VPS13B: variants seen among roughly 807,000 people sequenced by gnomAD.
The protein encoded by VPS13B is intermembrane lipid transfer protein VPS13B.
Under a neutral mutation model 426.4 loss-of-function variants are expected in VPS13B, and 285 were observed. The ratio of observed to expected loss-of-function variants is 0.67; its 90% CI spans 0.61 to 0.74. The LOEUF (loss-of-function observed/expected upper bound fraction) is 0.74. VPS13B is among the 30% of genes least tolerant of loss of function. The pLI is 0.00. For synonymous variants in VPS13B, 1,676 were observed against 1,676.4 expected (o/e 1.00, Z 0.01); for missense variants, 4,537 against 4,782.6 (o/e 0.95, Z 1.51).
chr8:99,234,685 A>C (rs546977828), intron 17 of VPS13B, among the ~76,000 whole-genome samples: 1 of 152,240 alleles, frequency 6.6e-6, no homozygotes, highest in Non-Finnish European at 1.5e-5. Context: ...ATTTAAATAA[A>C]AATAAGACAT....
chr8:99,556,015 A>C (rs1318186102), intron 30 of VPS13B, among the ~76,000 whole-genome samples: 1 of 152,172 alleles, frequency 6.6e-6, no homozygotes, highest in Admixed American at 6.6e-5. Flanking sequence ...AGTAAAAAAC[A>C]AAAAACAAAC....
intron 17 of VPS13B, among the ~76,000 whole-genome samples, chr8:99,249,713 G>A (rs1487295348): frequency 1.3e-5 from 2 of 152,070 alleles, no homozygotes; most frequent in African/African-American, 4.8e-5. Context: ...GTGAGCCACC[G>A]CGCCCGGCCT....
intron 17 of VPS13B, among the ~76,000 whole-genome samples, chr8:99,244,135 A>G (rs1393084569): frequency 6.6e-6 from 1 of 152,246 alleles, no homozygotes; most frequent in Non-Finnish European, 1.5e-5. Context: ...GAAACAATGA[A>G]CATTATAAAT....
chr8:99,381,990 G>A (rs957256405), intron 19 of VPS13B, among the ~76,000 whole-genome samples: 4 of 151,886 alleles, frequency 2.6e-5, no homozygotes, highest in Non-Finnish European at 5.9e-5. Context: ...GATCCATCTT[G>A]GGTTGATTTT....
intron 51 of VPS13B, among the ~76,000 whole-genome samples, chr8:99,827,913 T>C (rs1469650038): frequency 6.6e-6 from 1 of 152,228 alleles, no homozygotes; most frequent in African/African-American, 2.4e-5. Context: ...TTCTTAATCC[T>C]GAGTTCTAAT....
At chr8:99,389,309 G>T (rs952195076) in intron 20 of VPS13B, among the ~76,000 whole-genome samples, 13 of 151,968 alleles carry the variant, frequency 8.6e-5, no homozygotes, top group African/African-American at 2.9e-4. Flanking sequence ...TTCAGCTATT[G>T]TGCTTGAATT....
chr8:99,195,053 A>G (rs764215940), intron 17 of VPS13B, among the ~76,000 whole-genome samples: 22 of 151,872 alleles, frequency 1.4e-4, no homozygotes, highest in Admixed American at 2.6e-4. Flanking sequence ...CACCATGTTG[A>G]CTAGGATGGT....
intron 33 of VPS13B, among the ~76,000 whole-genome samples, chr8:99,616,927 T>C (rs1828121201): frequency 6.6e-6 from 1 of 152,186 alleles, no homozygotes; most frequent in Non-Finnish European, 1.5e-5. Context: ...GAAGTGACAA[T>C]AATATATTGG....
chr8:99,380,815 A>ATGGTTTAT (rs1181192067), intron 19 of VPS13B, among the ~76,000 whole-genome samples: 1 of 151,430 alleles, frequency 6.6e-6, no homozygotes, highest in Non-Finnish European at 1.5e-5. Flanking sequence ...AGAACCAGCT[A>ATGGTTTAT]TGGTTTATTC....
chr8:99,154,311 G>A (rs1336420237), intron 14 of VPS13B, among the ~76,000 whole-genome samples: 8 of 151,618 alleles, frequency 5.3e-5, no homozygotes, highest in African/African-American at 9.7e-5. Context: ...TGTGGAATTC[G>A]TATTACATGT....
chr8:99,740,817 A>T (rs999145740), intron 39 of VPS13B, among the ~76,000 whole-genome samples: 6 of 152,178 alleles, frequency 3.9e-5, no homozygotes, highest in Admixed American at 3.9e-4. Flanking sequence ...AGAGCTCCTG[A>T]AGGAAGCACT....
At chr8:99,592,231 GT>G (rs765790285) in intron 33 of VPS13B, among the ~76,000 whole-genome samples, 3 of 151,846 alleles carry the variant, frequency 2.0e-5, no homozygotes, top group African/African-American at 4.8e-5. Flanking sequence ...TTTTTTCAAG[GT>G]TTTTAGCTTC....
chr8:99,751,650 C>T (rs969013814), intron 39 of VPS13B, among the ~76,000 whole-genome samples: 5 of 152,122 alleles, frequency 3.3e-5, no homozygotes, highest in African/African-American at 4.8e-5. Flanking sequence ...AATTAAAACA[C>T]ATTTTTAAAC....
intron 19 of VPS13B, among the ~76,000 whole-genome samples, chr8:99,357,873 A>G (rs189569398): frequency 2.0e-5 from 3 of 152,338 alleles, no homozygotes; most frequent in Non-Finnish European, 2.9e-5. Context: ...ATTTTATGGC[A>G]TAACGGAAAG....
rs535198742 is a variant in VPS13B, at chr8:99,471,366, GC to G, written c.3666+3733del. Among the ~76,000 whole-genome samples the G allele has an allele frequency of 7.2e-5, 11 of 152,184 alleles. No individual in the cohort carries two copies. The East Asian group carries it at 2.1e-3, about 29-fold the overall frequency. On this transcript the variant is annotated intron_variant, in intron 24 of 61. Transcript: ENST00000357162. ...CATACAAGACAACTATAGCATTAAGGCTAGTGGAAGATGGAGTAAAAGAATC... is the reference window on the plus strand; with the variant it reads ...CATACAAGACAACTATAGCATTAAGGTAGTGGAAGATGGAGTAAAAGAATC...
intron 3 of VPS13B, among the ~76,000 whole-genome samples, chr8:99,083,300 T>C (rs549451195): frequency 4.6e-5 from 7 of 152,340 alleles, no homozygotes; most frequent in Admixed American, 1.3e-4. Flanking sequence ...TTTTTGCACA[T>C]TGATTTTGTA....
intron 3 of VPS13B, among the ~76,000 whole-genome samples, chr8:99,059,680 T>A (rs1844073179): frequency 1.3e-5 from 2 of 151,814 alleles, no homozygotes; most frequent in African/African-American, 4.8e-5. Context: ...GTATTGTTTG[T>A]AATCTTAGAA....
At chr8:99,495,084 T>C (rs1820815238) in intron 25 of VPS13B, among the ~76,000 whole-genome samples, 1 of 152,174 alleles carries the variant, frequency 6.6e-6, no homozygotes, top group Admixed American at 6.5e-5. Flanking sequence ...AAATATAAAC[T>C]TTCCATCACC....
intron 21 of VPS13B, among the ~76,000 whole-genome samples, chr8:99,416,244 G>A (rs1171743448): frequency 6.6e-6 from 1 of 152,142 alleles, no homozygotes; most frequent in African/African-American, 2.4e-5. Flanking sequence ...TCAAGCCTCA[G>A]TAAGGGTGGA....
Sources: allele counts gnomAD v4.1 joint callset (sites outside exome capture counted in the v4.1 genomes callset), GRCh38; gene constraint gnomAD v4.1.1; transcripts MANE v1.5; gene names NCBI Gene and HGNC (gene_info 2026-07-23, HGNC 2026-07-21).